Variants in ZBBX observed in about 807,000 individuals in gnomAD.
ZBBX encodes zinc finger B-box domain-containing protein 1.
Under a neutral mutation model 108.5 loss-of-function variants are expected in ZBBX, and 101 were observed. That is an observed-to-expected ratio of 0.93 (90% CI 0.79 to 1.10). The LOEUF (loss-of-function observed/expected upper bound fraction) is 1.10, where lower values mean the gene tolerates loss of function less well. Ranked by LOEUF, ZBBX falls within the 50% of genes least tolerant of loss-of-function variation. The pLI is 0.00. For missense variants in ZBBX, 1,009 were observed against 941.4 expected (o/e 1.07, Z -0.94); for synonymous variants, 356 against 323.4 (o/e 1.10, Z -1.08).
chr3:167,320,025 C>CGT (rs142377617), intron 12 of ZBBX, among the ~76,000 whole-genome samples: 11 of 149,558 alleles, frequency 7.4e-5, no homozygotes, highest in African/African-American at 1.5e-4. Context: ...TGTGCACGCA[C>CGT]GTGTGTGTGT....
At chr3:167,373,132 C>A in intron 3 of ZBBX, 182 bp from the exon 4 acceptor site, 1 of 412,812 alleles carries the variant, frequency 2.4e-6, no homozygotes, top group Non-Finnish European at 4.3e-6. Context: ...ACATATCAAC[C>A]AGATAATCAA....
At chr3:167,287,619 G>C (rs953873983) in intron 19 of ZBBX, among the ~76,000 whole-genome samples, 1 of 152,064 alleles carries the variant, frequency 6.6e-6, no homozygotes, top group African/African-American at 2.4e-5. Context: ...ATACTTAAAA[G>C]CATTTGACTA....
intron 20 of ZBBX, among the ~76,000 whole-genome samples, chr3:167,277,925 A>G (rs915918581): frequency 2.0e-5 from 3 of 151,828 alleles, no homozygotes; most frequent in African/African-American, 7.3e-5. Context: ...CAATGAAACT[A>G]GAACTCAGGA....
intron 20 of ZBBX, among the ~76,000 whole-genome samples, chr3:167,273,691 C>T (rs13071061): frequency 0.25 from 38,666 of 151,882 alleles, 5,747 homozygotes; most frequent in South Asian, 0.34. Context: ...GTAACTGGAG[C>T]GGTACTTGTG....
At chr3:167,221,017 T>A in the ZBBX span, among the ~76,000 whole-genome samples, 1 of 151,570 alleles carries the variant, frequency 6.6e-6, no homozygotes, top group Non-Finnish European at 1.5e-5. Flanking sequence ...AAGTGAAAGG[T>A]TTCCACAATG....
At chr3:167,295,710 AATATATATAT>A (rs1181996279) in intron 18 of ZBBX, among the ~76,000 whole-genome samples, 5 of 78,952 alleles carry the variant, frequency 6.3e-5, no homozygotes, top group African/African-American at 1.4e-4. Flanking sequence ...AAAAAATTGG[AATATATATAT>A]ATATATATAT....
chr3:167,321,459 C>T (rs1303120000), intron 12 of ZBBX, among the ~76,000 whole-genome samples: 1 of 151,960 alleles, frequency 6.6e-6, no homozygotes, highest in African/African-American at 2.4e-5. Context: ...TTTTGCGTAA[C>T]TGAAGGTGAA....
intron 9 of ZBBX, among the ~76,000 whole-genome samples, chr3:167,336,119 T>C (rs554694183): frequency 1.1e-4 from 16 of 152,044 alleles, no homozygotes; most frequent in Non-Finnish European, 2.1e-4. Flanking sequence ...TAATTTTATA[T>C]AAAATTATCA....
chr3:167,223,013 A>G, the ZBBX span, among the ~76,000 whole-genome samples: 123,595 of 151,908 alleles, frequency 0.81, 50,689 homozygotes, highest in African/African-American at 0.92. Flanking sequence ...TGATCATTAC[A>G]CACTCTATGC....
intron 9 of ZBBX, among the ~76,000 whole-genome samples, chr3:167,336,312 T>G (rs1739543491): frequency 6.6e-6 from 1 of 152,120 alleles, no homozygotes; most frequent in African/African-American, 2.4e-5. Context: ...AGGTAACTGA[T>G]AAAATAGAAT....
At chr3:167,364,632 A>T (rs1373517081) in intron 6 of ZBBX, among the ~76,000 whole-genome samples, 1 of 151,982 alleles carries the variant, frequency 6.6e-6, no homozygotes, top group Non-Finnish European at 1.5e-5. Flanking sequence ...TGATATAAGC[A>T]CTTAATGAGA....
the ZBBX span, among the ~76,000 whole-genome samples, chr3:167,216,853 C>G: frequency 1.3e-5 from 2 of 152,048 alleles, no homozygotes; most frequent in Non-Finnish European, 2.9e-5. Context: ...ACAAAGCTAA[C>G]AAAAACAAGC....
chr3:167,402,405 C>T (rs1577149900), intron 1 of ZBBX, among the ~76,000 whole-genome samples: 2 of 152,112 alleles, frequency 1.3e-5, no homozygotes, highest in East Asian at 1.9e-4. Context: ...TAAATAAACC[C>T]TTGGTGAAAT....
Position 167,259,033 on chromosome 3 carries a change from T to C in ZBBX, c.2255-16390A>G, listed in dbSNP as rs372613156. 2.8e-3 allele frequency among the ~76,000 whole-genome samples: 420 copies of C among 152,148 alleles called. 3 individuals carry two copies. The highest frequency in any genetic ancestry group is 9.4e-3 in the African/African-American group (390 of 41,510). On this transcript the variant is annotated intron_variant, in intron 20 of 21. Coordinates refer to ENST00000675490, the MANE Select transcript of ZBBX (RefSeq NM_001199201.2). ...CTTCTTTCTCTATCTTGTGGAAGAG[T>C]GGCAAAAGGATTGGTACCAATTCTT...
chr3:167,359,450 A>G (rs1744152427), intron 8 of ZBBX, among the ~76,000 whole-genome samples: 1 of 152,134 alleles, frequency 6.6e-6, no homozygotes, highest in South Asian at 2.1e-4. Context: ...AGACAATGGG[A>G]GGATAGAATA....
chr3:167,323,253 A>G (rs78977893), intron 11 of ZBBX, among the ~76,000 whole-genome samples: 2 of 134,742 alleles, frequency 1.5e-5, no homozygotes, highest in East Asian at 2.4e-4. Context: ...GGGGGGGGAA[A>G]GAACTCTTTT....
chr3:167,262,702 T>C (rs1446824493), intron 20 of ZBBX, among the ~76,000 whole-genome samples: 1 of 152,234 alleles, frequency 6.6e-6, no homozygotes, highest in African/African-American at 2.4e-5. Flanking sequence ...GCAGGTTGTA[T>C]ATGCCTAGGC....
the ZBBX span, among the ~76,000 whole-genome samples, chr3:167,213,798 T>C: frequency 3.2e-3 from 484 of 152,190 alleles, 1 homozygote; most frequent in Admixed American, 5.7e-3. Flanking sequence ...GCAGGTCACC[T>C]ACAAAGGGCT....
intron 20 of ZBBX, among the ~76,000 whole-genome samples, chr3:167,250,930 G>C (rs1237163423): frequency 6.6e-6 from 1 of 152,148 alleles, no homozygotes; most frequent in African/African-American, 2.4e-5. Flanking sequence ...CGAGACCCGA[G>C]TGGAAAAACA....
Sources: allele counts gnomAD v4.1 joint callset (sites outside exome capture counted in the v4.1 genomes callset), GRCh38; gene constraint gnomAD v4.1.1; transcripts MANE v1.5; gene names NCBI Gene and HGNC (gene_info 2026-07-23, HGNC 2026-07-21).